Variants in ST3GAL1 observed in about 807,000 individuals in gnomAD.
ST3GAL1 encodes CMP-N-acetylneuraminate-beta-galactosamide-alpha-2,3-sialyltransferase 1.
ST3GAL1 carries 16 observed loss-of-function variants against 34.1 expected under a neutral mutation model. The ratio of observed to expected loss-of-function variants is 0.47; its 90% CI spans 0.32 to 0.71. ST3GAL1 has a LOEUF of 0.71. Among genes scored for constraint, ST3GAL1 ranks in the 30% least tolerant of loss-of-function variants. The probability of loss-of-function intolerance (pLI) is 0.04; values close to 1 mark genes in which losing one functional copy is unlikely to be tolerated. For synonymous variants in ST3GAL1, 191 were observed against 184.7 expected (o/e 1.03, Z -0.28); for missense variants, 353 against 447.4 (o/e 0.79, Z 1.90).
chr8:133,462,033 G>A (rs758111033), intron 8 of ST3GAL1, 39 bp from the exon 9 acceptor site: 53 of 1,613,010 alleles, frequency 3.3e-5, no homozygotes, highest in Non-Finnish European at 3.9e-5. Context: ...GTGAGTTCTG[G>A]GGGGCAAAGG....
At chr8:133,521,359 C>T (rs545254003) in intron 2 of ST3GAL1, among the ~76,000 whole-genome samples, 21 of 151,302 alleles carry the variant, frequency 1.4e-4, no homozygotes, top group East Asian at 2.0e-4. Flanking sequence ...AGTGCAGTGG[C>T]GTGATCTCCG....
At chr8:133,545,127 T>A (rs1419627145) in intron 2 of ST3GAL1, among the ~76,000 whole-genome samples, 1 of 152,278 alleles carries the variant, frequency 6.6e-6, no homozygotes, top group Non-Finnish European at 1.5e-5. Context: ...TATTTCATTT[T>A]AATTAAAATT....
At chr8:133,557,130 G>A (rs1048800351) in intron 1 of ST3GAL1, among the ~76,000 whole-genome samples, 1 of 152,166 alleles carries the variant, frequency 6.6e-6, no homozygotes, top group Non-Finnish European at 1.5e-5. Context: ...GACAGTGAAT[G>A]GGCCTAGAAT....
At chr8:133,463,509 G>C (rs775953298) in intron 7 of ST3GAL1, 50 bp from the exon 8 acceptor site, 2 of 1,595,624 alleles carry the variant, frequency 1.3e-6, no homozygotes, top group South Asian at 2.2e-5. Flanking sequence ...GACAGGCCCA[G>C]GAACCTGGGC....
chr8:133,463,798 C>T (rs1272777316), intron 7 of ST3GAL1, among the ~76,000 whole-genome samples: 1 of 152,200 alleles, frequency 6.6e-6, no homozygotes, highest in Admixed American at 6.5e-5. Flanking sequence ...GCACCTTTGC[C>T]CAGCTGCTGG....
intron 3 of ST3GAL1, among the ~76,000 whole-genome samples, chr8:133,494,385 G>A (rs1463733322): frequency 6.6e-6 from 1 of 152,116 alleles, no homozygotes; most frequent in East Asian, 1.9e-4. Context: ...TCTGAGCTCA[G>A]GCTTTGTGCA....
Position 133,459,659 on chromosome 8 carries a change from C to T in ST3GAL1, c.*105G>A, listed in dbSNP as rs1291648332. 6.9e-7 allele frequency: 1 copy of T among 1,442,708 alleles called. No homozygotes were observed. The highest frequency in any genetic ancestry group is 9.3e-7 in the Non-Finnish European group (1 of 1,072,722). 89.4% of individuals were successfully genotyped at this position (1,442,708 alleles called of 1,614,324 possible). A position where few individuals can be genotyped will look rare whatever the true frequency, so the allele number is the denominator to read the frequency against. ...GCTGTGAGCGGTGCCCAGGCACACA[C>T]CTGAGGCTGCCCCTCCAAGCTCCGG... On this transcript the variant is annotated 3_prime_UTR_variant, in exon 10 of 10. Coordinates refer to ENST00000522652, the MANE Select transcript of ST3GAL1 (RefSeq NM_173344.3). This position sits in a 1 kb window ranked among gnomAD's most constrained non-coding sequence, Gnocchi z 4.7.
intron 2 of ST3GAL1, among the ~76,000 whole-genome samples, chr8:133,506,196 AC>A (rs541176387): frequency 2.2e-4 from 34 of 152,136 alleles, no homozygotes; most frequent in South Asian, 1.7e-3. Flanking sequence ...ACTTGCATTA[AC>A]CCTTGTTCTA....
intron 2 of ST3GAL1, among the ~76,000 whole-genome samples, chr8:133,503,754 T>C (rs1195817915): frequency 6.6e-6 from 1 of 152,146 alleles, no homozygotes; most frequent in Non-Finnish European, 1.5e-5. Flanking sequence ...TATATGGAAC[T>C]ACATGGCATT....
In ST3GAL1 at chr8:133,541,120, T is replaced by TATAGAGAGAGAGAGAG. The variant is rs71299078; in HGVS notation, c.-429+4653_-429+4654insCTCTCTCTCTCTCTAT. Among the ~76,000 whole-genome samples, 291 of 48,616 alleles carry TATAGAGAGAGAGAGAG rather than the reference T, an allele frequency of 6.0e-3. 15 individuals are homozygous for TATAGAGAGAGAGAGAG. The highest frequency in any genetic ancestry group is 6.8e-3 in the Non-Finnish European group (184 of 27,180). 31.9% of individuals were successfully genotyped at this position (48,616 alleles called of 152,430 possible). On this transcript the variant is annotated intron_variant, in intron 2 of 9. Transcript: ENST00000522652. ...ACATATATATATATATATATATATA[T>TATAGAGAGAGAGAGAG]AGAGAGAGAGAGAGAGAGAGAGAGA...
At chr8:133,540,724 T>TAGACATATATATATATAC (rs1818441821) in intron 2 of ST3GAL1, among the ~76,000 whole-genome samples, 5 of 96,288 alleles carry the variant, frequency 5.2e-5, no homozygotes, top group African/African-American at 2.5e-4. Flanking sequence ...TATATATATA[T>TAGACATATATATATATAC]AGACATATAT....
chr8:133,534,056 A>G (rs879476343), intron 2 of ST3GAL1, among the ~76,000 whole-genome samples: 3 of 152,114 alleles, frequency 2.0e-5, no homozygotes, highest in African/African-American at 4.8e-5. Flanking sequence ...TCAATGGGGA[A>G]AAAAACGGGC....
intron 5 of ST3GAL1, among the ~76,000 whole-genome samples, chr8:133,473,237 TC>T (rs1816033544): frequency 6.6e-6 from 1 of 152,194 alleles, no homozygotes; most frequent in Admixed American, 6.5e-5. Context: ...AGAAGAAAGA[TC>T]GATACTGTCT....
chr8:133,515,755 A>G (rs1013296838), intron 2 of ST3GAL1: 4 of 152,192 alleles, frequency 2.6e-5, no homozygotes, highest in African/African-American at 9.7e-5. Flanking sequence ...TACTCAGTTA[A>G]ACCAAAACAA....
intron 2 of ST3GAL1, among the ~76,000 whole-genome samples, chr8:133,540,704 T>TATAC: frequency 7.0e-6 from 1 of 143,790 alleles, no homozygotes; most frequent in Admixed American, 7.1e-5. Context: ...CATATATATA[T>TATAC]ATACAGACAT....
intron 5 of ST3GAL1, among the ~76,000 whole-genome samples, chr8:133,474,996 C>T (rs144254454): frequency 1.1e-3 from 174 of 152,324 alleles, no homozygotes; most frequent in African/African-American, 3.9e-3. Flanking sequence ...CAAAAAGATA[C>T]GTTCAAGTGC....
rs1299450843 is a variant in ST3GAL1, at chr8:133,457,721, G to GA, written c.*2042dup. 1 of 152,164 alleles carries GA rather than the reference G, an allele frequency of 6.6e-6. No homozygotes were observed. The highest frequency in any genetic ancestry group is 1.5e-5 in the Non-Finnish European group (1 of 68,032). The allele number at this position is 152,164 out of a possible 1,614,324, so 9.4% of individuals were successfully genotyped here. On this transcript the variant is annotated 3_prime_UTR_variant, in exon 10 of 10. Coordinates refer to ENST00000522652, the MANE Select transcript of ST3GAL1 (RefSeq NM_173344.3). ...AAATGCTCATATGCAGAGATTCAGG[G>GA]AAAAAACCAAACTTGGCACGCAACT... is the stretch of plus-strand genomic sequence containing the variant.
intron 1 of ST3GAL1, among the ~76,000 whole-genome samples, chr8:133,558,258 T>C (rs1031796664): frequency 1.3e-5 from 2 of 152,210 alleles, no homozygotes; most frequent in African/African-American, 4.8e-5. Context: ...TGCCACAGCA[T>C]ATCTTTAACA....
chr8:133,528,210 A>G (rs1418385345), intron 2 of ST3GAL1, among the ~76,000 whole-genome samples: 3 of 152,042 alleles, frequency 2.0e-5, no homozygotes, highest in Non-Finnish European at 2.9e-5. Flanking sequence ...GAAATGATGC[A>G]CTTGGAGAAA....
Sources: allele counts gnomAD v4.1 joint callset (sites outside exome capture counted in the v4.1 genomes callset), GRCh38; gene constraint gnomAD v4.1.1; non-coding constraint Gnocchi (gnomAD v3.1); transcripts MANE v1.5; gene names NCBI Gene and HGNC (gene_info 2026-07-23, HGNC 2026-07-21).